The following ZNF365 variants were observed in gnomAD, a reference collection of about 807,000 sequenced individuals.
ZNF365 encodes protein ZNF365.
Under a neutral mutation model 35.0 loss-of-function variants are expected in ZNF365, and 22 were observed. The ratio of observed to expected loss-of-function variants is 0.63; its 90% CI spans 0.45 to 0.90. The LOEUF is 0.90. Among genes scored for constraint, ZNF365 ranks in the 40% least tolerant of loss-of-function variants. ZNF365 has a pLI of 0.00. For synonymous variants in ZNF365, 188 were observed against 196.2 expected, an observed-to-expected ratio of 0.96 and a Z score of 0.35; for missense variants, 448 against 500.3, an observed-to-expected ratio of 0.90 and a Z score of 1.00.
At chr10:62,456,237 T>TA (rs916415796) in intron 3 of ZNF365, among the ~76,000 whole-genome samples, 18 of 145,988 alleles carry the variant, frequency 1.2e-4, no homozygotes, top group South Asian at 4.3e-4. Flanking sequence ...CTCCATAAGA[T>TA]AAAAAAAAAA....
chr10:62,444,762 C>G (rs898193166), intron 3 of ZNF365, among the ~76,000 whole-genome samples: 2 of 151,940 alleles, frequency 1.3e-5, no homozygotes, highest in African/African-American at 2.4e-5. Flanking sequence ...GTCCCCAGTT[C>G]TTTTATTTTA....
At chr10:62,393,531 G>A (rs1839671136) in intron 3 of ZNF365, among the ~76,000 whole-genome samples, 3 of 152,184 alleles carry the variant, frequency 2.0e-5, no homozygotes, top group African/African-American at 7.2e-5. Context: ...GTCTGTCGTT[G>A]ACTGAAACAT....
chr10:62,399,655 C>G lies in ZNF365; in HGVS notation c.1090C>G (p.His364Asp). The G allele has an allele frequency of 6.2e-7, 1 of 1,614,128 alleles. No homozygotes were observed. The highest frequency in any genetic ancestry group is 1.1e-5 in the South Asian group (1 of 91,064). ...RASMQPAKAI[H>D]EQAESSRDLC... is the part of the protein sequence containing the mutation. ...CAGCATGCAGCCTGCCAAGGCCATT[C>G]ACGAACAGGCTGAGTCCTCAAGAGA... Residue 364 changes from histidine (H) to aspartate (D), a missense_variant, in exon 5 of 5, where the codon CAC becomes GAC. His to Asp is a moderately conservative substitution (Grantham distance 81, BLOSUM62 -1). Coordinates refer to ENST00000395254, the MANE Select transcript of ZNF365 (RefSeq NM_014951.3).
intron 3 of ZNF365, among the ~76,000 whole-genome samples, chr10:62,419,587 G>C (rs1261109665): frequency 6.6e-6 from 1 of 152,078 alleles, no homozygotes; most frequent in Non-Finnish European, 1.5e-5. Flanking sequence ...TAATGATTGG[G>C]TGCACATTGT....
At chr10:62,473,772 A>C (rs957954054) in intron 4 of ZNF365, among the ~76,000 whole-genome samples, 3 of 152,142 alleles carry the variant, frequency 2.0e-5, no homozygotes, top group Admixed American at 6.5e-5. Context: ...TCTGGCAGCA[A>C]GTTGAAGAAA....
chr10:62,479,708 A>G (rs949179963), intron 4 of ZNF365, among the ~76,000 whole-genome samples: 3 of 152,218 alleles, frequency 2.0e-5, no homozygotes, highest in Non-Finnish European at 2.9e-5. Context: ...TCAGTTGTAG[A>G]AGACGCTCCT....
chr10:62,438,918 T>C (rs1398007597), intron 3 of ZNF365, among the ~76,000 whole-genome samples: 2 of 152,224 alleles, frequency 1.3e-5, no homozygotes, highest in South Asian at 4.1e-4. Context: ...CCTTCTGCAT[T>C]ACAGCCTCAC....
intron 3 of ZNF365, among the ~76,000 whole-genome samples, chr10:62,394,842 G>A (rs1839695141): frequency 6.6e-6 from 1 of 152,072 alleles, no homozygotes; most frequent in African/African-American, 2.4e-5. Context: ...GTGGTAATGA[G>A]AAAAAGAGGG....
intron 4 of ZNF365, among the ~76,000 whole-genome samples, chr10:62,471,694 C>T (rs1245482628): frequency 6.6e-6 from 1 of 152,202 alleles, no homozygotes; most frequent in Admixed American, 6.5e-5. Context: ...ACAAAAAAAT[C>T]TGCATGATTA....
chr10:62,436,853 A>G (rs978607797), intron 3 of ZNF365, among the ~76,000 whole-genome samples: 7 of 152,204 alleles, frequency 4.6e-5, no homozygotes, highest in African/African-American at 1.2e-4. Context: ...TGTTTATATC[A>G]TAAGTTGGTT....
rs1322692279 is a variant in ZNF365 at position 62,440,264 on chromosome 10, G to T, written c.925-19477G>T. ...TTAAACTTTTATTTTAGGTTCGGGG[G>T]TACATGTGAAGGTTTGTTACATAGG... is the stretch of plus-strand genomic sequence containing the variant. On this transcript the variant is annotated intron_variant, in intron 3 of 4. Coordinates refer to the ZNF365 transcript ENST00000395255. 7.3e-5 allele frequency among the ~76,000 whole-genome samples: 11 copies of T among 150,812 alleles called. No homozygotes were observed. In the South Asian group the frequency reaches 1.5e-3, roughly 20 times the overall value.
In ZNF365 at chr10:62,441,792, G is replaced by A. The variant is rs376472854; in HGVS notation, c.925-17949G>A. ...TTAATATATGCTTGTGAATTGAATC[G>A]AAGAAAGTTTGAGATACTGGATATT... is the stretch of plus-strand genomic sequence containing the variant. On this transcript the variant is annotated intron_variant, in intron 3 of 4. Transcript: ENST00000395255. 3.3e-5 allele frequency among the ~76,000 whole-genome samples: 5 copies of A among 152,062 alleles called. No individual in the cohort carries two copies. In the East Asian group the frequency reaches 5.8e-4, roughly 18 times the overall value.
chr10:62,386,130 C>G (rs1839521558), intron 2 of ZNF365, among the ~76,000 whole-genome samples: 1 of 152,112 alleles, frequency 6.6e-6, no homozygotes, highest in Non-Finnish European at 1.5e-5. Context: ...AAACCATAAG[C>G]AAGAACCATG....
intron 3 of ZNF365, among the ~76,000 whole-genome samples, chr10:62,450,774 G>A (rs1840670560): frequency 6.6e-6 from 1 of 152,202 alleles, no homozygotes; most frequent in Admixed American, 6.5e-5. Flanking sequence ...AAACAAATCT[G>A]TGAAGAATAA....
At chr10:62,458,886 T>A (rs1402817492) in intron 3 of ZNF365, among the ~76,000 whole-genome samples, 1 of 152,172 alleles carries the variant, frequency 6.6e-6, no homozygotes, top group Non-Finnish European at 1.5e-5. Flanking sequence ...TTGTTATTTG[T>A]TTTTAATACT....
chr10:62,468,719 A>C (rs543749828), intron 4 of ZNF365, among the ~76,000 whole-genome samples: 1 of 152,364 alleles, frequency 6.6e-6, no homozygotes, highest in African/African-American at 2.4e-5. Flanking sequence ...ATTTGTGAGG[A>C]AAAAATTTAT....
At chr10:62,406,447 C>T (rs893034474), downstream of ZNF365, among the ~76,000 whole-genome samples, 2 of 152,114 alleles carry the variant, frequency 1.3e-5, no homozygotes, top group African/African-American at 4.8e-5. Context: ...ACTGTTCTGT[C>T]ATTTCCATAA....
intron 3 of ZNF365, among the ~76,000 whole-genome samples, chr10:62,430,383 T>C (rs1840317014): frequency 6.6e-6 from 1 of 151,844 alleles, no homozygotes; most frequent in Non-Finnish European, 1.5e-5. Flanking sequence ...GGTTTCACCA[T>C]GTTAGCCAGG....
intron 3 of ZNF365, among the ~76,000 whole-genome samples, chr10:62,444,578 A>T (rs1476371550): frequency 1.3e-5 from 2 of 151,668 alleles, no homozygotes; most frequent in Non-Finnish European, 2.9e-5. Flanking sequence ...CTTTTCCTTA[A>T]CCTGCCCTCT....
Sources: allele counts gnomAD v4.1 joint callset (sites outside exome capture counted in the v4.1 genomes callset), GRCh38; gene constraint gnomAD v4.1.1; transcripts MANE v1.5; gene names NCBI Gene and HGNC (gene_info 2026-07-23, HGNC 2026-07-21).